The following NRG1 variants were observed in gnomAD, a reference collection of about 807,000 sequenced individuals.
NRG1 encodes pro-neuregulin-1, membrane-bound isoform.
In NRG1, 18 loss-of-function variants were observed where a neutral mutation model predicts 63.8. The ratio of observed to expected loss-of-function variants is 0.28; its 90% CI spans 0.19 to 0.42. The LOEUF (loss-of-function observed/expected upper bound fraction) is 0.42, where lower values mean the gene tolerates loss of function less well. NRG1 is among the 10% of genes least tolerant of loss of function. NRG1 has a pLI of 1.00. For synonymous variants in NRG1, 302 were observed against 301.3 expected (o/e 1.00, Z -0.02); for missense variants, 762 against 814.7 (o/e 0.94, Z 0.79).
At chr8:32,421,300 C>A (rs1272354031) in intron 1 of NRG1, among the ~76,000 whole-genome samples, 1 of 151,876 alleles carries the variant, frequency 6.6e-6, no homozygotes, top group Admixed American at 6.6e-5. Flanking sequence ...GGGAAGGGAC[C>A]AATATGAGAT....
At chr8:32,740,667 A>G (rs1589525138) in intron 6 of NRG1, among the ~76,000 whole-genome samples, 5 of 152,318 alleles carry the variant, frequency 3.3e-5, no homozygotes, top group Admixed American at 3.3e-4. Flanking sequence ...ACACATACTC[A>G]CAGGGCAAAA....
At chr8:32,501,623 T>C (rs1827862214) in intron 1 of NRG1, among the ~76,000 whole-genome samples, 1 of 152,244 alleles carries the variant, frequency 6.6e-6, no homozygotes, top group South Asian at 2.1e-4. Context: ...AAACAATACT[T>C]AGTTATCTAT....
At chr8:31,911,458 A>G (rs1411015501) in intron 1 of NRG1, among the ~76,000 whole-genome samples, 4 of 152,214 alleles carry the variant, frequency 2.6e-5, no homozygotes, top group African/African-American at 9.6e-5. Context: ...GCTGGAGGCC[A>G]TTGACCTTAC....
chr8:31,880,492 T>C (rs1293467024), intron 1 of NRG1, among the ~76,000 whole-genome samples: 1 of 152,204 alleles, frequency 6.6e-6, no homozygotes, highest in Non-Finnish European at 1.5e-5. Context: ...GGTCTAATAG[T>C]ACCTATCACA....
chr8:32,403,532 C>A (rs1813523805), intron 1 of NRG1, among the ~76,000 whole-genome samples: 4 of 152,134 alleles, frequency 2.6e-5, no homozygotes, highest in Admixed American at 2.6e-4. Context: ...AGAGCTTATT[C>A]AAATCCAAGT....
intron 1 of NRG1, among the ~76,000 whole-genome samples, chr8:32,210,368 C>A (rs1291177373): frequency 6.6e-6 from 1 of 152,126 alleles, no homozygotes; most frequent in Non-Finnish European, 1.5e-5. Flanking sequence ...GAAAATCCCA[C>A]TGACAATTTG....
intron 1 of NRG1, among the ~76,000 whole-genome samples, chr8:32,418,471 CT>C (rs1424265903): frequency 6.6e-6 from 1 of 151,810 alleles, no homozygotes. Flanking sequence ...ATTTTACATT[CT>C]TTTTTTCACA....
intron 1 of NRG1, among the ~76,000 whole-genome samples, chr8:32,264,105 G>A (rs186861404): frequency 1.9e-4 from 29 of 152,028 alleles, no homozygotes; most frequent in Admixed American, 1.5e-3. Flanking sequence ...GGTAATAAAG[G>A]TTTGTTATTT....
intron 1 of NRG1, among the ~76,000 whole-genome samples, chr8:31,907,551 T>C (rs1487703891): frequency 6.6e-6 from 1 of 152,128 alleles, no homozygotes; most frequent in African/African-American, 2.4e-5. Flanking sequence ...CATCTTCTCA[T>C]ATGTAAAACA....
intron 1 of NRG1, among the ~76,000 whole-genome samples, chr8:32,551,583 A>C (rs1421385388): frequency 1.1e-4 from 16 of 152,228 alleles, no homozygotes; most frequent in Non-Finnish European, 2.4e-4. Flanking sequence ...TATGCGATAC[A>C]TACATGGCTA....
intron 1 of NRG1, among the ~76,000 whole-genome samples, chr8:32,535,623 G>A (rs1831884687): frequency 6.6e-6 from 1 of 152,184 alleles, no homozygotes. Context: ...GTCAAAGAAA[G>A]GGCTAGAGAC....
chr8:32,264,586 T>C (rs1038314005), intron 1 of NRG1, among the ~76,000 whole-genome samples: 1 of 152,236 alleles, frequency 6.6e-6, no homozygotes, highest in Non-Finnish European at 1.5e-5. Flanking sequence ...GGGACATTTC[T>C]TGTTTGTATA....
intron 1 of NRG1, among the ~76,000 whole-genome samples, chr8:32,518,019 C>T (rs2129504574): frequency 6.6e-6 from 1 of 152,046 alleles, no homozygotes; most frequent in South Asian, 2.1e-4. Flanking sequence ...TGTTTAAAAG[C>T]CCTGGATGTC....
intron 2 of NRG1, among the ~76,000 whole-genome samples, chr8:32,598,426 TAA>T (rs1843741667): frequency 1.3e-5 from 2 of 152,098 alleles, no homozygotes; most frequent in African/African-American, 2.4e-5. Flanking sequence ...CATGTATACT[TAA>T]AGAGGTAATT....
intron 1 of NRG1, among the ~76,000 whole-genome samples, chr8:32,194,067 G>A (rs1034321001): frequency 2.8e-4 from 42 of 152,158 alleles, no homozygotes; most frequent in Non-Finnish European, 3.8e-4. Flanking sequence ...AATATGCTTG[G>A]TGACTCAACT....
intron 1 of NRG1, among the ~76,000 whole-genome samples, chr8:32,252,454 C>T (rs1849226504): frequency 6.6e-6 from 1 of 152,116 alleles, no homozygotes; most frequent in Admixed American, 6.6e-5. Context: ...AATAGGGAAT[C>T]TTTTCCCCAT....
chr8:31,709,367 G>C (rs1811509324), intron 1 of NRG1, among the ~76,000 whole-genome samples: 2 of 151,918 alleles, frequency 1.3e-5, no homozygotes, highest in Non-Finnish European at 2.9e-5. Context: ...TTGTTCAAGT[G>C]CTTCTGGGAA....
intron 1 of NRG1, among the ~76,000 whole-genome samples, chr8:31,953,021 C>T (rs969604389): frequency 2.6e-5 from 4 of 152,118 alleles, no homozygotes; most frequent in African/African-American, 9.7e-5. Flanking sequence ...TCTTAATATG[C>T]TTTCTTCTTA....
chr8:31,942,585 A>T (rs1052615631), intron 1 of NRG1, among the ~76,000 whole-genome samples: 3 of 152,208 alleles, frequency 2.0e-5, no homozygotes, highest in African/African-American at 7.2e-5. Context: ...AAAAATAATC[A>T]GCAGAGTTAA....
Sources: allele counts gnomAD v4.1 joint callset (sites outside exome capture counted in the v4.1 genomes callset), GRCh38; gene constraint gnomAD v4.1.1; transcripts MANE v1.5; gene names NCBI Gene and HGNC (gene_info 2026-07-23, HGNC 2026-07-21).